The following PNP variants were observed in gnomAD, a reference collection of about 807,000 sequenced individuals.
PNP encodes HEL-S-156an.
PNP carries 18 observed loss-of-function variants against 26.8 expected under a neutral mutation model. The ratio of observed to expected loss-of-function variants is 0.67; its 90% CI spans 0.46 to 1.00. The LOEUF is 1.00. PNP is among the 50% of genes least tolerant of loss of function. PNP has a pLI of 0.00. For missense variants in PNP, 320 were observed against 362.9 expected, an observed-to-expected ratio of 0.88 and a Z score of 0.96; for synonymous variants, 116 against 124.8, an observed-to-expected ratio of 0.93 and a Z score of 0.47.
intron 2 of PNP, chr14:20,474,038 G>A (rs1442439537): frequency 2.9e-5 from 6 of 209,716 alleles, no homozygotes; most frequent in Admixed American, 1.1e-4. Context: ...TCACCTTTCC[G>A]AGTCCCCAGT....
intron 2 of PNP, 145 bp downstream of exon 2, chr14:20,472,622 G>A: frequency 1.3e-6 from 1 of 792,442 alleles, no homozygotes. Flanking sequence ...AGCCCACCAT[G>A]AGTCAGAGTG....
Position 20,476,973 on chromosome 14 carries a change from G to A in PNP, c.*372G>A, listed in dbSNP as rs149943917. ...CTAGCTCTTTGAGATAATACATTCC[G>A]AGGGGCTCAGTTCTGCCTTATCTAA... On this transcript the variant is annotated 3_prime_UTR_variant, in exon 6 of 6. Transcript: ENST00000361505. 1.4e-3 allele frequency: 472 copies of A among 343,426 alleles called. 1 individual carries two copies. Among genetic ancestry groups the A allele is most frequent in the African/African-American group, 9.3e-3 (437 of 47,154 alleles). 21.3% of individuals were successfully genotyped at this position (343,426 alleles called of 1,614,324 possible). A position where few individuals can be genotyped will look rare whatever the true frequency, so the allele number is the denominator to read the frequency against.
At chr14:20,472,098 G>A (rs570365031) in intron 1 of PNP, among the ~76,000 whole-genome samples, 1 of 152,292 alleles carries the variant, frequency 6.6e-6, no homozygotes, top group East Asian at 1.9e-4. Flanking sequence ...CTAGAATGGA[G>A]GTAGTTTCAT....
intron 1 of PNP, among the ~76,000 whole-genome samples, chr14:20,470,958 G>A (rs921424548): frequency 3.9e-5 from 6 of 152,100 alleles, no homozygotes; most frequent in African/African-American, 1.4e-4. Context: ...GACAATATTG[G>A]GACTAGAATC....
At chr14:20,471,811 G>A (rs1293230416) in intron 1 of PNP, among the ~76,000 whole-genome samples, 1 of 152,140 alleles carries the variant, frequency 6.6e-6, no homozygotes, top group Non-Finnish European at 1.5e-5. Flanking sequence ...AATGTCTTTG[G>A]GGAACAGGTA....
chr14:20,475,556 C>T (rs1356646374), intron 5 of PNP, among the ~76,000 whole-genome samples: 1 of 151,664 alleles, frequency 6.6e-6, no homozygotes, highest in African/African-American at 2.4e-5. Context: ...ATGATCTCGG[C>T]TCACTGCAAC....
At chr14:20,474,606 T>C in intron 3 of PNP, 31 bp downstream of exon 3, 1 of 1,594,766 alleles carries the variant, frequency 6.3e-7, no homozygotes, top group Admixed American at 1.7e-5. Flanking sequence ...CGGTTGGATC[T>C]GGAAGAGGCA....
In PNP at chr14:20,471,239, C is replaced by T. The variant is rs546139961; in HGVS notation, c.12-1069C>T. ...TTTTTTTTTGTATTTTTAGTAGAGACGGGGTTTCAACATGTTAGCCAGGAT... is the reference window on the plus strand; with the variant it reads ...TTTTTTTTTGTATTTTTAGTAGAGATGGGGTTTCAACATGTTAGCCAGGAT... On this transcript the variant is annotated intron_variant, in intron 1 of 5. Coordinates refer to ENST00000361505, the MANE Select transcript of PNP (RefSeq NM_000270.4). Among the ~76,000 whole-genome samples, 14 of 123,566 alleles carry T rather than the reference C, an allele frequency of 1.1e-4. No homozygotes were observed. The East Asian group carries it at 2.9e-3, about 25-fold the overall frequency. 81.1% of individuals were successfully genotyped at this position (123,566 alleles called of 152,430 possible).
intron 1 of PNP, 76 bp downstream of exon 1, chr14:20,469,611 C>CCAGAGGGAGCTGG (rs1290765894): frequency 2.6e-6 from 4 of 1,535,860 alleles, no homozygotes; most frequent in Non-Finnish European, 3.5e-6. Flanking sequence ...CACACTGGGC[C>CCAGAGGGAGCTGG]CAGAGGGAGC....
chr14:20,475,023 A>T (rs1292183685), intron 4 of PNP, 39 bp from the exon 5 acceptor site: 1 of 1,614,110 alleles, frequency 6.2e-7, no homozygotes, highest in Non-Finnish European at 8.5e-7. Flanking sequence ...AGAATTTTTA[A>T]AATTCCGTTT....
rs879125687 is a variant in PNP, at chr14:20,469,418, C to T, written c.-107C>T. ...AGACCAGTGAGCCAACTGTGCGAAC[C>T]AGACCCGGCAGCCTTGCTCAGTTCA... On this transcript the variant is annotated 5_prime_UTR_variant, in exon 1 of 6. Coordinates refer to ENST00000361505, the MANE Select transcript of PNP (RefSeq NM_000270.4). 2.0e-6 allele frequency: 3 copies of T among 1,463,990 alleles called. No individual in the cohort carries two copies. The highest frequency in any genetic ancestry group is 1.9e-6 in the Non-Finnish European group (2 of 1,068,852). 90.7% of individuals were successfully genotyped at this position (1,463,990 alleles called of 1,614,324 possible).
At chr14:20,475,564 A>G (rs1056423716) in intron 5 of PNP, among the ~76,000 whole-genome samples, 1 of 151,652 alleles carries the variant, frequency 6.6e-6, no homozygotes, top group Admixed American at 6.6e-5. Context: ...GGCTCACTGC[A>G]ACCTCCGCCT....
Position 20,469,437 on chromosome 14 carries a change from C to T in PNP, c.-88C>T. Reference sequence around the variant, plus strand: ...GCGAACCAGACCCGGCAGCCTTGCTCAGTTCAGCATAGCGGAGCGGATCCG... The same window carrying T: ...GCGAACCAGACCCGGCAGCCTTGCTTAGTTCAGCATAGCGGAGCGGATCCG... On this transcript the variant is annotated 5_prime_UTR_variant, in exon 1 of 6. Coordinates refer to ENST00000361505, the MANE Select transcript of PNP (RefSeq NM_000270.4). 2 of 1,519,012 alleles carry T rather than the reference C, an allele frequency of 1.3e-6. No homozygotes were observed. Among genetic ancestry groups the T allele is most frequent in the South Asian group, 1.2e-5 (1 of 83,370 alleles). The allele number at this position is 1,519,012 out of a possible 1,614,324, so 94.1% of individuals were successfully genotyped here. A position where few individuals can be genotyped will look rare whatever the true frequency, so the allele number is the denominator to read the frequency against.
In PNP at chr14:20,476,489, A is replaced by C; in HGVS notation, c.758A>C (p.Glu253Ala). The C allele has an allele frequency of 5.6e-6, 9 of 1,614,168 alleles. No individual in the cohort carries two copies. Among genetic ancestry groups the C allele is most frequent in the Non-Finnish European group, 7.6e-6 (9 of 1,180,018 alleles). Residue 253 changes from glutamate to alanine, a missense_variant, in exon 6 of 6, where the codon GAG (glutamate) becomes GCG (alanine). Coordinates refer to ENST00000361505, the MANE Select transcript of PNP (RefSeq NM_000270.4). ...NKVIMDYESL[E>A]KANHEEVLAA... ...GTCATCATGGATTATGAAAGCCTGGAGAAGGCCAACCATGAAGAAGTCTTA... is the reference window on the plus strand; with the variant it reads ...GTCATCATGGATTATGAAAGCCTGGCGAAGGCCAACCATGAAGAAGTCTTA...
chr14:20,475,770 C>T (rs952213001), intron 5 of PNP, among the ~76,000 whole-genome samples: 10 of 152,028 alleles, frequency 6.6e-5, no homozygotes, highest in South Asian at 2.1e-4. Context: ...ACAGGCGCGA[C>T]GCACTGTGCC....
intron 2 of PNP, 183 bp from the exon 3 acceptor site, chr14:20,474,289 T>G: frequency 1.7e-6 from 1 of 599,720 alleles, no homozygotes; most frequent in Non-Finnish European, 3.0e-6. Context: ...TTTGTATAAT[T>G]ATTAGTAATG....
chr14:20,472,626 C>T (rs1225682126), intron 2 of PNP, 149 bp downstream of exon 2: 8 of 781,076 alleles, frequency 1.0e-5, no homozygotes, highest in Non-Finnish European at 1.8e-5. Flanking sequence ...CACCATGAGT[C>T]AGAGTGACTT....
chr14:20,474,948 G>T lies in PNP; in HGVS notation c.461G>T (p.Arg154Met). 6.2e-7 allele frequency: 1 copy of T among 1,614,060 alleles called. No individual in the cohort carries two copies. Among genetic ancestry groups the T allele is most frequent in the Non-Finnish European group, 8.5e-7 (1 of 1,179,998 alleles). ...QNPLRGPNDE[R>M]FGDRFPAMSD... ...CCTCTCAGAGGGCCCAATGATGAAA[G>T]GTATGTATGTTACTCCGTTTTTTTT... The change falls in exon 4 of 6, where the codon AGG (arginine) becomes ATG (methionine). Residue 154 changes from arginine to methionine, a missense_variant and splice_region_variant. Transcript: ENST00000361505.
chr14:20,469,874 C>T (rs1376776636), intron 1 of PNP: 2 of 508,318 alleles, frequency 3.9e-6, no homozygotes, highest in Non-Finnish European at 7.2e-6. Context: ...ATATATCCCT[C>T]ACTCCATACC....
Sources: gnomAD v4.1 joint callset for allele counts (sites outside exome capture counted in the v4.1 genomes callset) on GRCh38, gnomAD v4.1.1 for gene constraint, MANE v1.5 for transcripts, NCBI Gene and HGNC (gene_info 2026-07-23, HGNC 2026-07-21) for gene names.